The following GABRB3 variants were observed in gnomAD, a reference collection of about 807,000 sequenced individuals.
GABRB3 encodes the protein gamma-aminobutyric acid receptor subunit beta-3.
A neutral mutation model predicts 52.1 loss-of-function variants in GABRB3; 14 were observed. The observed-to-expected ratio is 0.27, with a 90% CI of 0.18 to 0.42. The LOEUF is 0.42. Among genes scored for constraint, GABRB3 ranks in the 10% least tolerant of loss-of-function variants. GABRB3 has a pLI of 1.00. For missense variants in GABRB3, 307 were observed against 609.1 expected (o/e 0.50, Z 5.22); for synonymous variants, 260 against 232.3 (o/e 1.12, Z -1.08).
chr15:26,722,116 C>T (rs564045427), intron 3 of GABRB3, among the ~76,000 whole-genome samples: 2 of 152,182 alleles, frequency 1.3e-5, no homozygotes, highest in South Asian at 4.1e-4. Flanking sequence ...ACCTAATTTC[C>T]TTCTTTTCTC....
At chr15:26,657,012 G>C (rs950373169) in intron 3 of GABRB3, 1 of 152,200 alleles carries the variant, frequency 6.6e-6, no homozygotes. Flanking sequence ...TTAGGAAGAA[G>C]AGAAACACAA....
chr15:26,565,517 C>T (rs1595444116), intron 7 of GABRB3, among the ~76,000 whole-genome samples: 2 of 152,268 alleles, frequency 1.3e-5, no homozygotes, highest in South Asian at 4.1e-4. Context: ...CTAGCCAGCC[C>T]ATGCCTTTAT....
At chr15:26,608,061 T>G (rs1029743477) in intron 4 of GABRB3, among the ~76,000 whole-genome samples, 1 of 144,954 alleles carries the variant, frequency 6.9e-6, no homozygotes, top group African/African-American at 2.6e-5. Flanking sequence ...TATTTCAAAC[T>G]ATACTACAAA....
At chr15:26,684,680 G>A (rs899735879) in intron 3 of GABRB3, among the ~76,000 whole-genome samples, 5 of 152,042 alleles carry the variant, frequency 3.3e-5, no homozygotes, top group Non-Finnish European at 7.4e-5. Context: ...TAGGTCTCAG[G>A]GTATAGGAAA....
Position 26,621,541 on chromosome 15 carries a change from G to C in GABRB3, c.241-7C>G. ...ACATGGTTAAGGTATAATCCTGGGG[G>C]GAAAAGAAAAGAAAGAAAGTTAGTT... On this transcript the variant is annotated splice_polypyrimidine_tract_variant and splice_region_variant and intron_variant, in intron 3 of 8. Transcript: ENST00000311550. The surrounding 1 kb of genome is among the most constrained non-coding windows in gnomAD (Gnocchi z 4.1). 3 of 1,606,462 alleles carry C rather than the reference G, an allele frequency of 1.9e-6. No homozygotes were observed. The highest frequency in any genetic ancestry group is 1.7e-6 in the Non-Finnish European group (2 of 1,173,464).
chr15:26,610,718 C>T (rs553996951), intron 4 of GABRB3, among the ~76,000 whole-genome samples: 22 of 152,270 alleles, frequency 1.4e-4, no homozygotes, highest in South Asian at 8.3e-4. Context: ...TGGTTCACAG[C>T]GTTCACTGGA....
At chr15:26,564,514 C>A (rs935635287) in intron 7 of GABRB3, among the ~76,000 whole-genome samples, 2 of 152,176 alleles carry the variant, frequency 1.3e-5, no homozygotes, top group African/African-American at 4.8e-5. Context: ...CAAGGGTGAG[C>A]CCTCAATAGA....
chr15:26,760,616 C>CTT lies in GABRB3; in HGVS notation c.240+11784_240+11785dup. Among the ~76,000 whole-genome samples the CTT allele has an allele frequency of 2.0e-5, 3 of 152,062 alleles. No homozygotes were observed. In the South Asian group the frequency reaches 6.2e-4, roughly 32 times the overall value. ...TATTTAGTATTGCTTCAAACTTTAT[C>CTT]TTTATTTTATGATTGAAAAGTGGTT... On this transcript the variant is annotated intron_variant, in intron 3 of 8. Transcript: ENST00000311550.
chr15:26,554,351 C>T (rs1889674392), intron 8 of GABRB3, among the ~76,000 whole-genome samples: 1 of 150,660 alleles, frequency 6.6e-6, no homozygotes, highest in African/African-American at 2.4e-5. Flanking sequence ...TAAATACCAT[C>T]TCTTTTCTAG....
chr15:26,630,628 AG>A (rs1311822657), intron 3 of GABRB3, among the ~76,000 whole-genome samples: 2 of 152,250 alleles, frequency 1.3e-5, no homozygotes, highest in Non-Finnish European at 2.9e-5. Flanking sequence ...CTTTAAAAAA[AG>A]GGTCTTGCTT....
chr15:26,736,858 A>G (rs1364254441), intron 3 of GABRB3, among the ~76,000 whole-genome samples: 2 of 152,230 alleles, frequency 1.3e-5, no homozygotes, highest in Admixed American at 1.3e-4. Context: ...AAGGGGTCTG[A>G]AGCTGCTGGG....
intron 3 of GABRB3, among the ~76,000 whole-genome samples, chr15:26,741,852 C>G (rs1204261346): frequency 6.6e-6 from 1 of 152,192 alleles, no homozygotes; most frequent in Non-Finnish European, 1.5e-5. Context: ...TCAAGAGATG[C>G]TCCTGCCTTG....
chr15:26,629,491 C>T (rs750573325), intron 3 of GABRB3, among the ~76,000 whole-genome samples: 1 of 152,288 alleles, frequency 6.6e-6, no homozygotes, highest in Middle Eastern at 3.4e-3. Flanking sequence ...ACATCTAGAC[C>T]GAATGTGTTG....
chr15:26,611,672 TTTTG>T (rs1050925352), intron 4 of GABRB3, among the ~76,000 whole-genome samples: 8 of 152,204 alleles, frequency 5.3e-5, no homozygotes, highest in Non-Finnish European at 1.0e-4. Flanking sequence ...ATGTAATTTT[TTTTG>T]TTTGTTTCTC....
chr15:26,583,919 C>T (rs953089436), intron 4 of GABRB3, among the ~76,000 whole-genome samples: 14 of 151,996 alleles, frequency 9.2e-5, no homozygotes, highest in Non-Finnish European at 1.6e-4. Flanking sequence ...GGACTACAGG[C>T]GCCTGCCACC....
intron 3 of GABRB3, among the ~76,000 whole-genome samples, chr15:26,673,251 C>T (rs1887955011): frequency 6.6e-6 from 1 of 152,104 alleles, no homozygotes. Flanking sequence ...TTCTTTCCTT[C>T]CTCCTTCCTT....
chr15:26,639,706 A>G (rs1253428585), intron 3 of GABRB3, among the ~76,000 whole-genome samples: 1 of 152,244 alleles, frequency 6.6e-6, no homozygotes, highest in African/African-American at 2.4e-5. Flanking sequence ...CACATAGTGT[A>G]TTCATATAGA....
intron 3 of GABRB3, among the ~76,000 whole-genome samples, chr15:26,677,412 C>T (rs1888103182): frequency 6.6e-6 from 1 of 152,126 alleles, no homozygotes; most frequent in African/African-American, 2.4e-5. Flanking sequence ...TTTATCACAG[C>T]CTTTCCTAAA....
intron 3 of GABRB3, among the ~76,000 whole-genome samples, chr15:26,650,498 T>C (rs1384753781): frequency 6.6e-6 from 1 of 152,080 alleles, no homozygotes; most frequent in Non-Finnish European, 1.5e-5. Context: ...AAATAGTTTC[T>C]TTTGATAGCA....
Sources: allele counts gnomAD v4.1 joint callset (sites outside exome capture counted in the v4.1 genomes callset), GRCh38; gene constraint gnomAD v4.1.1; non-coding constraint Gnocchi (gnomAD v3.1); transcripts MANE v1.5; gene names NCBI Gene and HGNC (gene_info 2026-07-23, HGNC 2026-07-21).